Variants in PSMA1 observed in about 807,000 individuals in gnomAD.
PSMA1 encodes proteasome subunit alpha type-1.
A neutral mutation model predicts 38.4 loss-of-function variants in PSMA1; 3 were observed. That is an observed-to-expected ratio of 0.08 (90% CI 0.04 to 0.20). The LOEUF is 0.20. PSMA1 is among the 10% of genes least tolerant of loss of function. PSMA1 has a pLI of 1.00. For synonymous variants in PSMA1, 101 were observed against 107.1 expected, an observed-to-expected ratio of 0.94 and a Z score of 0.35; for missense variants, 227 against 325.3, an observed-to-expected ratio of 0.70 and a Z score of 2.32.
chr11:14,603,524 A>G (rs1009897102), intron 2 of PSMA1, among the ~76,000 whole-genome samples: 1 of 152,234 alleles, frequency 6.6e-6, no homozygotes, highest in East Asian at 1.9e-4. Context: ...CCACTGACTC[A>G]AAGTGCTTAG....
At chr11:14,630,452 T>C (rs1286047934) in intron 1 of PSMA1, among the ~76,000 whole-genome samples, 2 of 152,350 alleles carry the variant, frequency 1.3e-5, no homozygotes, top group South Asian at 2.1e-4. Flanking sequence ...GCTCTGTTTA[T>C]ATGCTGGATT....
intron 2 of PSMA1, among the ~76,000 whole-genome samples, chr11:14,584,245 G>C (rs963369007): frequency 6.6e-6 from 1 of 152,216 alleles, no homozygotes; most frequent in Admixed American, 6.5e-5. Context: ...TAGCTACCTA[G>C]ATTTATGGAG....
At chr11:14,505,848 G>GA (rs1370251869) in intron 9 of PSMA1, among the ~76,000 whole-genome samples, 1 of 151,640 alleles carries the variant, frequency 6.6e-6, no homozygotes, top group Non-Finnish European at 1.5e-5. Context: ...CTACTAAAAA[G>GA]AAAAAAAATG....
intron 2 of PSMA1, among the ~76,000 whole-genome samples, chr11:14,557,425 G>A (rs910634996): frequency 3.3e-5 from 5 of 151,956 alleles, no homozygotes; most frequent in African/African-American, 7.3e-5. Flanking sequence ...TGTATTTTTA[G>A]TAGAAACGGG....
At position 14,632,432 on chromosome 11, in the gene PSMA1, G is replaced by C. The variant is rs1301196733; in HGVS notation, c.-166+11023C>G. On this transcript the variant is annotated intron_variant, in intron 1 of 10. Coordinates refer to the PSMA1 transcript ENST00000418988. The stretch of plus-strand genomic sequence containing the variant: ...ATTTCTCCTTCACTTATGAAGCTTA[G>C]TTTGGCTGGATATGAAATTCTGGGT... Among the ~76,000 whole-genome samples, 792 of 141,474 alleles carry C rather than the reference G, an allele frequency of 5.6e-3. 1 individual carries two copies. The highest frequency in any genetic ancestry group is 0.019 in the African/African-American group (693 of 36,306). 92.8% of individuals were successfully genotyped at this position (141,474 alleles called of 152,430 possible).
chr11:14,525,938 C>A (rs1165802856), intron 2 of PSMA1, among the ~76,000 whole-genome samples: 1 of 152,162 alleles, frequency 6.6e-6, no homozygotes, highest in Admixed American at 6.5e-5. Context: ...TACTTTGTAG[C>A]CCCTCCTTTG....
rs894862440 is a variant in PSMA1 at position 14,629,388 on chromosome 11, C to A, written c.-166+14067G>T. On this transcript the variant is annotated intron_variant, in intron 1 of 10. Transcript: ENST00000418988. ...TCCAGTTTCAGCTTTCTACATATGGCTAGCCAGTTTTTCCAGCACCATTTA... is the reference window on the plus strand; with the variant it reads ...TCCAGTTTCAGCTTTCTACATATGGATAGCCAGTTTTTCCAGCACCATTTA... Among the ~76,000 whole-genome samples, 710 of 152,292 alleles carry A rather than the reference C, an allele frequency of 4.7e-3. 2 individuals carry two copies. Among genetic ancestry groups the A allele is most frequent in the African/African-American group, 0.016 (685 of 41,540 alleles).
At chr11:14,629,785 T>A (rs1481656644) in intron 1 of PSMA1, among the ~76,000 whole-genome samples, 26 of 151,030 alleles carry the variant, frequency 1.7e-4, no homozygotes, top group African/African-American at 6.0e-4. Flanking sequence ...CGATATTGAT[T>A]CTTCCTACCC....
intron 9 of PSMA1, 123 bp from the exon 10 acceptor site, chr11:14,505,371 C>A: frequency 1.2e-6 from 1 of 825,606 alleles, no homozygotes; most frequent in South Asian, 1.4e-5. Context: ...TCTGAATACT[C>A]AGTTTTAGTT....
At chr11:14,633,143 A>T (rs1640858266) in intron 1 of PSMA1, among the ~76,000 whole-genome samples, 1 of 152,186 alleles carries the variant, frequency 6.6e-6, no homozygotes, top group South Asian at 2.1e-4. Context: ...AGCTCGTCAA[A>T]GTCATTCTCC....
chr11:14,579,168 G>A (rs538552157), intron 2 of PSMA1, among the ~76,000 whole-genome samples: 4 of 152,312 alleles, frequency 2.6e-5, no homozygotes, highest in South Asian at 4.1e-4. Context: ...TACAAACCTC[G>A]TGACTTAAAA....
chr11:14,616,222 A>G (rs1330020841), intron 1 of PSMA1, among the ~76,000 whole-genome samples: 1 of 145,514 alleles, frequency 6.9e-6, no homozygotes, highest in Non-Finnish European at 1.5e-5. Flanking sequence ...GAGTTGGAGG[A>G]TCCCAACAGT....
chr11:14,592,330 C>T (rs775058820), intron 2 of PSMA1, among the ~76,000 whole-genome samples: 2 of 151,552 alleles, frequency 1.3e-5, no homozygotes, highest in African/African-American at 2.4e-5. Flanking sequence ...TCAGCCTCAT[C>T]GACCCCGTCT....
intron 2 of PSMA1, among the ~76,000 whole-genome samples, chr11:14,551,715 C>G (rs17567502): frequency 2.0e-5 from 3 of 152,130 alleles, no homozygotes; most frequent in Non-Finnish European, 4.4e-5. Flanking sequence ...AAATGTTGAA[C>G]TATTCTAAAG....
intron 2 of PSMA1, among the ~76,000 whole-genome samples, chr11:14,555,315 G>A (rs931753111): frequency 6.6e-6 from 1 of 152,090 alleles, no homozygotes; most frequent in Admixed American, 6.5e-5. Flanking sequence ...GATGTGTACT[G>A]GATGATGTGC....
At position 14,520,282 on chromosome 11, in the gene PSMA1, C is replaced by T. The variant is rs532688610; in HGVS notation, c.3+15G>A. On this transcript the variant is annotated intron_variant, in intron 1 of 9. Coordinates refer to ENST00000396394, the MANE Select transcript of PSMA1 (RefSeq NM_002786.4). ...GCTCTGCCCTAAACCTTCCAGAGATCGGGATTCAACGTACCATGGTGGCGG... is the reference window on the plus strand; with the variant it reads ...GCTCTGCCCTAAACCTTCCAGAGATTGGGATTCAACGTACCATGGTGGCGG... 6 of 1,614,094 alleles carry T rather than the reference C, an allele frequency of 3.7e-6. 1 individual carries two copies. The highest frequency in any genetic ancestry group is 1.7e-4 in the Middle Eastern group (1 of 6,060).
chr11:14,571,801 A>C (rs1294796928), intron 2 of PSMA1, among the ~76,000 whole-genome samples: 1 of 152,228 alleles, frequency 6.6e-6, no homozygotes, highest in African/African-American at 2.4e-5. Context: ...TAGGCTCAAA[A>C]TAAAGGGATG....
intron 2 of PSMA1, among the ~76,000 whole-genome samples, chr11:14,550,938 A>C (rs1589990238): frequency 6.6e-6 from 1 of 152,242 alleles, no homozygotes; most frequent in South Asian, 2.1e-4. Context: ...TTTCTATGCA[A>C]AGAGTGGGGA....
chr11:14,592,157 T>A (rs1852423834), intron 2 of PSMA1, among the ~76,000 whole-genome samples: 1 of 151,894 alleles, frequency 6.6e-6, no homozygotes, highest in Non-Finnish European at 1.5e-5. Flanking sequence ...CATCTGAACA[T>A]CAGAAGGAAC....
Sources: gnomAD v4.1 joint callset for allele counts (sites outside exome capture counted in the v4.1 genomes callset) on GRCh38, gnomAD v4.1.1 for gene constraint, MANE v1.5 for transcripts, NCBI Gene and HGNC (gene_info 2026-07-23, HGNC 2026-07-21) for gene names.